Variants in CASP10 observed in about 807,000 individuals in gnomAD.
CASP10 encodes caspase 10.
CASP10 carries 41 observed loss-of-function variants against 48.5 expected under a neutral mutation model. That is an observed-to-expected ratio of 0.85 (90% CI 0.66 to 1.10). The LOEUF (loss-of-function observed/expected upper bound fraction) is 1.10. Among genes scored for constraint, CASP10 ranks in the 50% least tolerant of loss-of-function variants. CASP10 has a pLI of 0.00. For missense variants in CASP10, 614 were observed against 614.5 expected (o/e 1.00, Z 0.01); for synonymous variants, 232 against 238.4 (o/e 0.97, Z 0.25).
intron 4 of CASP10, chr2:201,193,414 G>T (rs1002152208): frequency 2.8e-6 from 1 of 353,414 alleles, no homozygotes; most frequent in African/African-American, 2.1e-5. Context: ...CACTATGTTG[G>T]CCAGGCTGGT....
chr2:201,229,334 G>T (rs116157119), exon 10 of CASP10: 19 of 548,780 alleles, frequency 3.5e-5, no homozygotes, highest in Non-Finnish European at 5.2e-5. Flanking sequence ...AACTACAAGC[G>T]GATGGTTAAA....
chr2:201,189,391 C>G (rs1559295007), intron 3 of CASP10, among the ~76,000 whole-genome samples: 1 of 151,726 alleles, frequency 6.6e-6, no homozygotes, highest in Non-Finnish European at 1.5e-5. Context: ...GCCTCAGCCT[C>G]CTGAATATCT....
At chr2:201,215,211 G>GTTTTTTTTTTTTTTTTTTTTTTTTTTTTT (rs10616229) in intron 9 of CASP10, among the ~76,000 whole-genome samples, 1 of 29,884 alleles carries the variant, frequency 3.3e-5, no homozygotes, top group African/African-American at 1.1e-4. Context: ...TCTTCCCTCG[G>GTTTTTTTTTTTTTTTTTTTTTTTTTTTTT]TTTTTTTTTT....
Position 201,221,127 on chromosome 2 carries a change from T to G in CASP10, c.*3386T>G. ...TGCAACAGAAATAGCAGGACTTAAGTTCCTTTGTGCGTAATTCCAGCTGAC... is the reference window on the plus strand; with the variant it reads ...TGCAACAGAAATAGCAGGACTTAAGGTCCTTTGTGCGTAATTCCAGCTGAC... On this transcript the variant is annotated 3_prime_UTR_variant, in exon 10 of 10. Transcript: ENST00000286186. The G allele has an allele frequency of 2.0e-6, 2 of 985,422 alleles. No individual in the cohort carries two copies. Among genetic ancestry groups the G allele is most frequent in the Non-Finnish European group, 2.4e-6 (2 of 829,942 alleles). The allele number at this position is 985,422 out of a possible 1,614,324, so 61.0% of individuals were successfully genotyped here.
chr2:201,196,327 C>G (rs13391950), intron 5 of CASP10, among the ~76,000 whole-genome samples: 18,173 of 152,176 alleles, frequency 0.12, 2,276 homozygotes, highest in African/African-American at 0.32. Context: ...AGTAATTCCA[C>G]AGTTCAAGTA....
chr2:201,212,905 G>A (rs1945445334), intron 9 of CASP10: 1 of 152,196 alleles, frequency 6.6e-6, no homozygotes, highest in Non-Finnish European at 1.5e-5. Context: ...AGTTTGAGAT[G>A]ATGGTTTCTT....
chr2:201,192,041 C>T (rs767734299), intron 3 of CASP10, among the ~76,000 whole-genome samples: 4 of 152,058 alleles, frequency 2.6e-5, no homozygotes, highest in Admixed American at 1.3e-4. Flanking sequence ...AATGAATTTC[C>T]GTAATTGCTT....
intron 5 of CASP10, among the ~76,000 whole-genome samples, chr2:201,201,604 C>CA (rs1945021588): frequency 0.013 from 1 of 80 alleles, no homozygotes; most frequent in African/African-American, 0.036. Context: ...AACTTGGCCA[C>CA]GGCACATGCA....
At position 201,217,772 on chromosome 2, in the gene CASP10, A is replaced by G; in HGVS notation, c.*31A>G. ...AGTTTTTGTTGGTTCTTAGACCTCAAACGAATCATTGGCTATAACCTCCAG... is the reference window on the plus strand; with the variant it reads ...AGTTTTTGTTGGTTCTTAGACCTCAGACGAATCATTGGCTATAACCTCCAG... On this transcript the variant is annotated 3_prime_UTR_variant, in exon 10 of 10. Transcript: ENST00000286186. 6.2e-7 allele frequency: 1 copy of G among 1,613,698 alleles called. No homozygotes were observed. Among genetic ancestry groups the G allele is most frequent in the East Asian group, 2.2e-5 (1 of 44,862 alleles).
downstream of CASP10, among the ~76,000 whole-genome samples, chr2:201,222,156 G>A (rs2126066839): frequency 6.6e-6 from 1 of 151,390 alleles, no homozygotes; most frequent in African/African-American, 2.4e-5. Flanking sequence ...TTGCCTAGTT[G>A]TACTCACCTA....
intron 9 of CASP10, among the ~76,000 whole-genome samples, chr2:201,211,194 C>T (rs41383348): frequency 6.6e-6 from 1 of 152,268 alleles, no homozygotes; most frequent in African/African-American, 2.4e-5. Flanking sequence ...CGAGGCTGGC[C>T]TTGAACTCCT....
At chr2:201,197,168 G>A (rs1944826907) in intron 5 of CASP10, among the ~76,000 whole-genome samples, 2 of 150,314 alleles carry the variant, frequency 1.3e-5, no homozygotes, top group Admixed American at 6.7e-5. Flanking sequence ...ATAGAGATAA[G>A]GTTTTGCTAT....
At position 201,195,889 on chromosome 2, in the gene CASP10, C is replaced by A. The variant is rs895371405; in HGVS notation, c.625C>A (p.Gln209Lys). The part of the protein sequence containing the change: ...PPVDKEAESY[Q>K]GEEELVSQTD... ...TGTAGACAAGGAAGCCGAGTCGTAT[C>A]AAGGAGAGGAAGAACTAGTTTCCCA... Residue 209 changes from glutamine (Q) to lysine (K), a missense_variant, in exon 5 of 10, where the codon CAA (glutamine) becomes AAA (lysine). Physicochemically the swap from Gln to Lys is moderately conservative, Grantham distance 53. Coordinates refer to ENST00000286186, the MANE Select transcript of CASP10 (RefSeq NM_032977.4). 5 of 1,613,842 alleles carry A rather than the reference C, an allele frequency of 3.1e-6. No homozygotes were observed. In the Admixed American group the frequency reaches 6.7e-5, roughly 22 times the overall value.
chr2:201,225,907 A>C (rs1945782157), downstream of CASP10, among the ~76,000 whole-genome samples: 1 of 152,308 alleles, frequency 6.6e-6, no homozygotes, highest in East Asian at 1.9e-4. Flanking sequence ...TGGAGGTTGC[A>C]GTGAGCCAAG....
Position 201,218,521 on chromosome 2 carries a change from C to G in CASP10, c.*780C>G, listed in dbSNP as rs1446533993. On this transcript the variant is annotated 3_prime_UTR_variant, in exon 10 of 10. Transcript: ENST00000286186. ...TTCACTATGTTGCCTAAGCTGGTCT[C>G]AAACTCCTGGGCTCAAGCGATCCTC... 3 of 871,582 alleles carry G rather than the reference C, an allele frequency of 3.4e-6. No individual in the cohort carries two copies. The highest frequency in any genetic ancestry group is 4.1e-6 in the Non-Finnish European group (3 of 726,746). 54.0% of individuals were successfully genotyped at this position (871,582 alleles called of 1,614,324 possible).
rs142968374 is a variant in CASP10 at position 201,217,538 on chromosome 2, G to A, written c.1416-50G>A. 5.2e-3 allele frequency: 6,515 copies of A among 1,251,854 alleles called. 112 individuals are homozygous for A. The highest frequency in any genetic ancestry group is 0.029 in the South Asian group (2,437 of 83,306). The allele number at this position is 1,251,854 out of a possible 1,614,324, so 77.5% of individuals were successfully genotyped here. A position where few individuals can be genotyped will look rare whatever the true frequency, so the allele number is the denominator to read the frequency against. ...CACACCACTGCACTCCAGCCTGGGC[G>A]ACAGAGTGAGACTCCGTAAAAAAAA... is the stretch of plus-strand genomic sequence containing the variant. On this transcript the variant is annotated intron_variant, in intron 9 of 9. Transcript: ENST00000286186.
chr2:201,228,390 A>C (rs900592662), intron 9 of CASP10, among the ~76,000 whole-genome samples: 2 of 152,166 alleles, frequency 1.3e-5, no homozygotes, highest in African/African-American at 2.4e-5. Context: ...CTAGGGCAGA[A>C]GGGATGAGAG....
chr2:201,203,750 G>A lies in CASP10; in HGVS notation c.705G>A (p.Lys235=). 12 of 1,613,578 alleles carry A rather than the reference G, an allele frequency of 7.4e-6. No homozygotes were observed. Among genetic ancestry groups the A allele is most frequent in the Non-Finnish European group, 1.0e-5 (12 of 1,179,520 alleles). The change falls in exon 6 of 10, where the codon AAG becomes AAA. Residue 235 remains lysine (K), a synonymous_variant. Coordinates refer to ENST00000286186, the MANE Select transcript of CASP10 (RefSeq NM_032977.4). ...CTCAGCAGGAGTCCTGGCAAAATAA[G>A]CATGCAGGTAGTAATGGTAGGTATT... The part of the protein sequence containing the change: ...EALPQESWQN[K]HAGSNGNRAT...
chr2:201,225,726 C>A (rs1021279327), downstream of CASP10, among the ~76,000 whole-genome samples: 1 of 152,166 alleles, frequency 6.6e-6, no homozygotes, highest in African/African-American at 2.4e-5. Flanking sequence ...AATCCCAGAA[C>A]TTTGGGAGGC....
Sources: allele counts gnomAD v4.1 joint callset (sites outside exome capture counted in the v4.1 genomes callset), GRCh38; gene constraint gnomAD v4.1.1; transcripts MANE v1.5; gene names NCBI Gene and HGNC (gene_info 2026-07-23, HGNC 2026-07-21).